NKAIN3: variants seen among roughly 807,000 people sequenced by gnomAD.
NKAIN3 encodes sodium/potassium transporting ATPase interacting 3, also known as sodium/potassium-transporting ATPase subunit beta-1-interacting protein 3.
A neutral mutation model predicts 30.2 loss-of-function variants in NKAIN3; 25 were observed. The observed-to-expected ratio is 0.83, with a 90% CI of 0.60 to 1.16. The LOEUF (loss-of-function observed/expected upper bound fraction) is 1.16. Among genes scored for constraint, NKAIN3 ranks in the 50% most tolerant of loss-of-function variants. NKAIN3 has a pLI of 0.00. For missense variants in NKAIN3, 225 were observed against 254.1 expected, an observed-to-expected ratio of 0.89 and a Z score of 0.78; for synonymous variants, 91 against 89.6, an observed-to-expected ratio of 1.02 and a Z score of -0.09.
chr8:62,761,681 T>C (rs760199727), intron 4 of NKAIN3, among the ~76,000 whole-genome samples: 1 of 152,212 alleles, frequency 6.6e-6, no homozygotes, highest in African/African-American at 2.4e-5. Context: ...GAGGATTCCA[T>C]TGCCTGACTC....
At chr8:62,674,087 G>A (rs1237393390) in intron 3 of NKAIN3, among the ~76,000 whole-genome samples, 4 of 152,230 alleles carry the variant, frequency 2.6e-5, no homozygotes, top group Non-Finnish European at 5.9e-5. Flanking sequence ...TATGCAGCCA[G>A]GGCTAACTAC....
At chr8:62,347,856 T>C (rs1816051649) in intron 1 of NKAIN3, among the ~76,000 whole-genome samples, 1 of 152,086 alleles carries the variant, frequency 6.6e-6, no homozygotes, top group Non-Finnish European at 1.5e-5. Flanking sequence ...CATTCTATCC[T>C]AGCCAAAGAA....
At chr8:62,741,724 T>C (rs1043944840) in intron 3 of NKAIN3, among the ~76,000 whole-genome samples, 4 of 152,368 alleles carry the variant, frequency 2.6e-5, no homozygotes, top group Middle Eastern at 3.4e-3. Flanking sequence ...TTTGTGTTTT[T>C]ATTTCCTTAT....
At chr8:62,606,175 C>T (rs1200541218) in intron 3 of NKAIN3, among the ~76,000 whole-genome samples, 2 of 152,036 alleles carry the variant, frequency 1.3e-5, no homozygotes, top group Non-Finnish European at 2.9e-5. Flanking sequence ...GAGAGAACCT[C>T]CAAGGATTAC....
chr8:62,417,258 A>C (rs926186720), intron 1 of NKAIN3, among the ~76,000 whole-genome samples: 1 of 152,154 alleles, frequency 6.6e-6, no homozygotes, highest in Non-Finnish European at 1.5e-5. Context: ...TTTACTTAGC[A>C]TAATGACTTC....
intron 1 of NKAIN3, among the ~76,000 whole-genome samples, chr8:62,276,562 A>G (rs1375210080): frequency 6.6e-6 from 1 of 152,196 alleles, no homozygotes; most frequent in African/African-American, 2.4e-5. Flanking sequence ...AAGTACACAC[A>G]TGCTTCATGT....
intron 1 of NKAIN3, among the ~76,000 whole-genome samples, chr8:62,386,853 AC>A (rs1464020589): frequency 6.6e-6 from 1 of 150,698 alleles, no homozygotes; most frequent in African/African-American, 2.4e-5. Context: ...GATGCAACTG[AC>A]CCCCATGTTA....
chr8:62,607,431 G>A (rs1368956552), intron 3 of NKAIN3, among the ~76,000 whole-genome samples: 1 of 152,060 alleles, frequency 6.6e-6, no homozygotes. Flanking sequence ...CAGCACCTTT[G>A]CATCACTCAG....
intron 1 of NKAIN3, among the ~76,000 whole-genome samples, chr8:62,469,831 T>A (rs1806276594): frequency 6.6e-6 from 1 of 152,182 alleles, no homozygotes; most frequent in African/African-American, 2.4e-5. Flanking sequence ...TAACCTATTC[T>A]GGCAGGTCAG....
At chr8:62,668,994 G>C (rs1274691114) in intron 3 of NKAIN3, among the ~76,000 whole-genome samples, 3 of 152,092 alleles carry the variant, frequency 2.0e-5, no homozygotes, top group South Asian at 4.1e-4. Flanking sequence ...ACCATTTTCT[G>C]TTCCTTGGTA....
chr8:62,974,902 G>A lies in NKAIN3; in HGVS notation c.*9495G>A, dbSNP rs544450331. Among the ~76,000 whole-genome samples the A allele has an allele frequency of 3.0e-4, 45 of 152,230 alleles. 2 individuals carry two copies. The highest frequency in any genetic ancestry group is 8.9e-4 in the African/African-American group (37 of 41,530). On this transcript the variant is annotated 3_prime_UTR_variant, in exon 7 of 7. Transcript: ENST00000623646. ...TTGAATTTTGTCGAAGGCCTTTTCC[G>A]CATCTATTGAGATAATCATGTGGTT... is the stretch of plus-strand genomic sequence containing the variant.
chr8:62,598,196 A>G (rs1810888554), intron 3 of NKAIN3, among the ~76,000 whole-genome samples: 1 of 152,098 alleles, frequency 6.6e-6, no homozygotes. Context: ...TCATTAAGCA[A>G]CAGAAAAGCT....
At chr8:62,886,394 A>G (rs1280419418) in intron 4 of NKAIN3, among the ~76,000 whole-genome samples, 1 of 152,024 alleles carries the variant, frequency 6.6e-6, no homozygotes, top group Non-Finnish European at 1.5e-5. Context: ...GCTATTGTCT[A>G]TTAGATCAGT....
At chr8:62,329,532 A>C (rs555040231) in intron 1 of NKAIN3, among the ~76,000 whole-genome samples, 2 of 152,142 alleles carry the variant, frequency 1.3e-5, no homozygotes, top group Non-Finnish European at 2.9e-5. Context: ...TATCATTCCC[A>C]TCTTTGCAAT....
At chr8:62,588,764 A>T (rs183126740) in intron 2 of NKAIN3, among the ~76,000 whole-genome samples, 4 of 152,060 alleles carry the variant, frequency 2.6e-5, no homozygotes, top group Admixed American at 6.6e-5. Context: ...TTAAGACATT[A>T]AGAATTCATT....
chr8:62,444,273 C>T (rs1282308906), intron 1 of NKAIN3, among the ~76,000 whole-genome samples: 1 of 152,094 alleles, frequency 6.6e-6, no homozygotes, highest in Non-Finnish European at 1.5e-5. Context: ...CTTCTAGCTA[C>T]TTTGAAATGT....
chr8:62,596,291 G>C (rs1022848592), intron 3 of NKAIN3, among the ~76,000 whole-genome samples: 2 of 151,978 alleles, frequency 1.3e-5, no homozygotes, highest in Non-Finnish European at 2.9e-5. Context: ...CTCCATACTA[G>C]GGGTCCTTCT....
At chr8:62,566,471 T>A (rs1449895248) in intron 1 of NKAIN3, among the ~76,000 whole-genome samples, 2 of 151,970 alleles carry the variant, frequency 1.3e-5, no homozygotes, top group Non-Finnish European at 2.9e-5. Context: ...AAGAAAAAAA[T>A]TAATTAATGG....
chr8:62,429,980 A>G (rs1804942889), intron 1 of NKAIN3, among the ~76,000 whole-genome samples: 1 of 151,866 alleles, frequency 6.6e-6, no homozygotes, highest in South Asian at 2.1e-4. Flanking sequence ...CAGTATACCC[A>G]TTGAACATTA....
Sources: gnomAD v4.1 joint callset for allele counts (sites outside exome capture counted in the v4.1 genomes callset) on GRCh38, gnomAD v4.1.1 for gene constraint, MANE v1.5 for transcripts, NCBI Gene and HGNC (gene_info 2026-07-23, HGNC 2026-07-21) for gene names.